Variants in UBE4B observed in about 807,000 individuals in gnomAD.
UBE4B encodes the protein ubiquitin conjugation factor E4 B.
A neutral mutation model predicts 148.1 loss-of-function variants in UBE4B; 27 were observed. That is an observed-to-expected ratio of 0.18 (90% CI 0.13 to 0.25). The LOEUF is 0.25. UBE4B is among the 10% of genes least tolerant of loss of function. UBE4B has a pLI of 1.00. For synonymous variants in UBE4B, 596 were observed against 619.3 expected (o/e 0.96, Z 0.56); for missense variants, 1,170 against 1,662.4 (o/e 0.70, Z 5.15).
At chr1:10,149,864 T>G (rs1047342744) in intron 20 of UBE4B, among the ~76,000 whole-genome samples, 1 of 152,178 alleles carries the variant, frequency 6.6e-6, no homozygotes, top group African/African-American at 2.4e-5. Flanking sequence ...TTGTGAAAAG[T>G]AAAAGTCATG....
chr1:10,125,003 G>A (rs1390321697), intron 10 of UBE4B, among the ~76,000 whole-genome samples: 1 of 152,196 alleles, frequency 6.6e-6, no homozygotes, highest in Non-Finnish European at 1.5e-5. Context: ...GTGCATGCCT[G>A]TAGTCCCAGC....
chr1:10,064,445 T>C (rs1036151133), intron 1 of UBE4B, among the ~76,000 whole-genome samples: 3 of 152,216 alleles, frequency 2.0e-5, no homozygotes, highest in Non-Finnish European at 4.4e-5. Flanking sequence ...GAACATCTTA[T>C]TGAGCTTAAG....
intron 1 of UBE4B, among the ~76,000 whole-genome samples, chr1:10,041,601 C>G (rs1300646347): frequency 6.6e-6 from 1 of 151,592 alleles, no homozygotes; most frequent in Non-Finnish European, 1.5e-5. Context: ...TTCCAAAGTG[C>G]TGGGATTACA....
At chr1:10,094,473 G>A (rs984353571) in intron 2 of UBE4B, among the ~76,000 whole-genome samples, 1 of 146,480 alleles carries the variant, frequency 6.8e-6, no homozygotes, top group African/African-American at 2.5e-5. Context: ...TTGCTCTGTT[G>A]CCCAGGCTGG....
At chr1:10,109,656 C>CT (rs1040891409) in intron 7 of UBE4B, among the ~76,000 whole-genome samples, 49 of 146,306 alleles carry the variant, frequency 3.3e-4, no homozygotes, top group South Asian at 6.4e-4. Context: ...AACCTTGTTA[C>CT]TTTTTTTTTT....
chr1:10,147,418 G>A (rs537712335), intron 19 of UBE4B, among the ~76,000 whole-genome samples: 4 of 152,178 alleles, frequency 2.6e-5, no homozygotes, highest in East Asian at 3.9e-4. Context: ...GTTTGAACCC[G>A]GGAGGCGGAG....
chr1:10,043,223 G>A (rs1643839722), intron 1 of UBE4B, among the ~76,000 whole-genome samples: 1 of 151,536 alleles, frequency 6.6e-6, no homozygotes, highest in Admixed American at 6.6e-5. Flanking sequence ...TGACCAGGCT[G>A]GTCTTGAACT....
chr1:10,076,883 A>G (rs1480673279), intron 2 of UBE4B, among the ~76,000 whole-genome samples: 5 of 150,542 alleles, frequency 3.3e-5, no homozygotes, highest in African/African-American at 1.2e-4. Context: ...ATTAGCTGGG[A>G]TTACAGGCGC....
chr1:10,084,195 G>A (rs1644728164), intron 2 of UBE4B, among the ~76,000 whole-genome samples: 1 of 152,190 alleles, frequency 6.6e-6, no homozygotes, highest in African/African-American at 2.4e-5. Context: ...GCCTAGCAAA[G>A]GCACAGGGGC....
chr1:10,091,888 G>C (rs1241235858), intron 2 of UBE4B, among the ~76,000 whole-genome samples: 1 of 152,102 alleles, frequency 6.6e-6, no homozygotes. Context: ...TTACAGGTGT[G>C]AGCCACTGCG....
chr1:10,145,396 G>C (rs1645852931), intron 18 of UBE4B: 1 of 156,616 alleles, frequency 6.4e-6, no homozygotes, highest in Admixed American at 6.4e-5. Flanking sequence ...AGGAGATGGA[G>C]ACCATCCTGG....
intron 15 of UBE4B, 56 bp downstream of exon 15, chr1:10,132,538 G>A (rs1645612967): frequency 6.7e-7 from 1 of 1,490,894 alleles, no homozygotes; most frequent in Admixed American, 1.7e-5. Flanking sequence ...ATCTGACCCA[G>A]ATTTAGTCAG....
chr1:10,171,950 T>G (rs1335836618), intron 25 of UBE4B, among the ~76,000 whole-genome samples: 1 of 152,152 alleles, frequency 6.6e-6, no homozygotes, highest in East Asian at 1.9e-4. Flanking sequence ...CTCTGAGCCC[T>G]CTCCAGTTGA....
intron 2 of UBE4B, among the ~76,000 whole-genome samples, chr1:10,086,598 C>T (rs1359309597): frequency 3.3e-5 from 5 of 152,156 alleles, no homozygotes; most frequent in Admixed American, 6.5e-5. Context: ...AATATAGAAG[C>T]GTCAGTGGAT....
chr1:10,136,052 G>T (rs1313929728), intron 16 of UBE4B, among the ~76,000 whole-genome samples: 1 of 152,062 alleles, frequency 6.6e-6, no homozygotes, highest in Non-Finnish European at 1.5e-5. Context: ...AAAGAAATAT[G>T]CAGGGAAACG....
In UBE4B at chr1:10,144,925, A is replaced by C. The variant is rs1381731325; in HGVS notation, c.2364-15A>C. ...GGCTGTTTTCTTTCATTTGACTGTTAGTCTTTGATTTCAGAACTGTAGAAG... is the reference window on the plus strand; with the variant it reads ...GGCTGTTTTCTTTCATTTGACTGTTCGTCTTTGATTTCAGAACTGTAGAAG... On this transcript the variant is annotated splice_polypyrimidine_tract_variant and intron_variant, in intron 17 of 27. Transcript: ENST00000343090. 6.3e-7 allele frequency: 1 copy of C among 1,593,740 alleles called. No homozygotes were observed. The highest frequency in any genetic ancestry group is 1.7e-5 in the Admixed American group (1 of 59,158).
chr1:10,175,493 T>C (rs561347995), intron 25 of UBE4B, among the ~76,000 whole-genome samples: 104 of 141,820 alleles, frequency 7.3e-4, no homozygotes, highest in Admixed American at 3.2e-3. Flanking sequence ...CTACTAAAAA[T>C]ACAAAAAATT....
intron 11 of UBE4B, among the ~76,000 whole-genome samples, chr1:10,127,670 T>A (rs965472399): frequency 6.6e-6 from 1 of 152,238 alleles, no homozygotes; most frequent in Admixed American, 6.5e-5. Context: ...TTACTGTATT[T>A]ATTTCTTTTA....
intron 21 of UBE4B, among the ~76,000 whole-genome samples, chr1:10,154,980 C>A (rs752607459): frequency 4.6e-5 from 7 of 151,782 alleles, no homozygotes; most frequent in Non-Finnish European, 1.0e-4. Flanking sequence ...CTACAGTAAA[C>A]ATGTATTGTT....
Sources: allele counts gnomAD v4.1 joint callset (sites outside exome capture counted in the v4.1 genomes callset), GRCh38; gene constraint gnomAD v4.1.1; transcripts MANE v1.5; gene names NCBI Gene and HGNC (gene_info 2026-07-23, HGNC 2026-07-21).